The following EFCAB5 variants were observed in gnomAD, a reference collection of about 807,000 sequenced individuals.
EFCAB5 encodes EF-hand calcium-binding domain-containing protein 5.
Under a neutral mutation model 167.9 loss-of-function variants are expected in EFCAB5, and 131 were observed. The observed-to-expected ratio is 0.78, with a 90% CI of 0.68 to 0.90. The LOEUF is 0.90. Among genes scored for constraint, EFCAB5 ranks in the 40% least tolerant of loss-of-function variants. EFCAB5 has a pLI of 0.00. For missense variants in EFCAB5, 1,663 were observed against 1,745.2 expected, an observed-to-expected ratio of 0.95 and a Z score of 0.84; for synonymous variants, 574 against 602.8, an observed-to-expected ratio of 0.95 and a Z score of 0.70.
intron 7 of EFCAB5, 64 bp downstream of exon 7, chr17:30,000,040 G>A: frequency 8.3e-7 from 1 of 1,209,892 alleles, no homozygotes; most frequent in South Asian, 1.4e-5. Context: ...GTCTGTTGGT[G>A]GCTGTCACAC....
At position 29,993,253 on chromosome 17, in the gene EFCAB5, A is replaced by G. The variant is rs1255097475; in HGVS notation, c.856A>G (p.Lys286Glu). Reference sequence around the variant, plus strand: ...CATAGTCAAGGTGGCCAACACACGGAAACAGGCTCTGCAGGAGCAATTCGA... The same window carrying G: ...CATAGTCAAGGTGGCCAACACACGGGAACAGGCTCTGCAGGAGCAATTCGA... ...KIIVKVANTR[K>E]QALQEQFDEW... Residue 286 changes from lysine (K) to glutamate (E), a missense_variant, in exon 5 of 23, where the codon AAA becomes GAA. By Grantham distance (56) the Lys-to-Glu change is moderately conservative (BLOSUM62 1). Transcript: ENST00000394835. The G allele has an allele frequency of 6.2e-7, 1 of 1,613,966 alleles. No individual in the cohort carries two copies. The highest frequency in any genetic ancestry group is 8.5e-7 in the Non-Finnish European group (1 of 1,179,858).
chr17:30,101,600 G>A (rs2071383597), intron 22 of EFCAB5, among the ~76,000 whole-genome samples: 1 of 152,196 alleles, frequency 6.6e-6, no homozygotes, highest in Non-Finnish European at 1.5e-5. Flanking sequence ...GGTCTAAGCT[G>A]GAGATATAAA....
chr17:29,966,194 A>G (rs1032037506), intron 3 of EFCAB5, among the ~76,000 whole-genome samples: 3 of 152,194 alleles, frequency 2.0e-5, no homozygotes, highest in African/African-American at 7.2e-5. Flanking sequence ...TACAAATGGA[A>G]ACTCCATTTA....
intron 18 of EFCAB5, among the ~76,000 whole-genome samples, chr17:30,085,229 A>G (rs184091387): frequency 1.3e-4 from 20 of 152,290 alleles, no homozygotes; most frequent in Admixed American, 1.2e-3. Flanking sequence ...TAGAGGAAAA[A>G]AATTACTGCT....
chr17:29,969,284 C>T lies in EFCAB5; in HGVS notation c.684C>T (p.Asp228=), dbSNP rs372162405. 2.0e-5 allele frequency: 32 copies of T among 1,613,336 alleles called. 1 individual carries two copies. The South Asian group carries it at 3.0e-4, about 15-fold the overall frequency. The change falls in exon 4 of 23, where the codon GAC becomes GAT. Residue 228 remains aspartate, a synonymous_variant. Coordinates refer to ENST00000394835, the MANE Select transcript of EFCAB5 (RefSeq NM_198529.4). ...GAAACAATCCTAATTATATCAAAGA[C>T]CCAGGAATGTCTGGTTACCAGAGGT... The part of the protein sequence containing the change: ...LIRNNPNYIK[D]PGMSGYQRLM...
At chr17:29,936,931 C>T (rs1239626703), upstream of EFCAB5, among the ~76,000 whole-genome samples, 2 of 152,166 alleles carry the variant, frequency 1.3e-5, no homozygotes, top group Non-Finnish European at 2.9e-5. Context: ...CCAAGTAAAA[C>T]CAAACTGCTT....
intron 19 of EFCAB5, among the ~76,000 whole-genome samples, chr17:30,088,617 G>A (rs1195126617): frequency 6.6e-6 from 1 of 152,184 alleles, no homozygotes; most frequent in Non-Finnish European, 1.5e-5. Flanking sequence ...TACTTAGAAT[G>A]ACTCTCACTT....
intron 4 of EFCAB5, among the ~76,000 whole-genome samples, chr17:29,986,749 G>A (rs544515470): frequency 3.6e-5 from 5 of 137,594 alleles, no homozygotes; most frequent in South Asian, 4.9e-4. Flanking sequence ...TGGGGTTCAC[G>A]CCATTCTCCT....
chr17:30,107,875 A>G lies in EFCAB5; in HGVS notation c.4363A>G (p.Ile1455Val), dbSNP rs2071469899. ...TEVWKFGNVV[I>V]EHLYHWIHIC... is the part of the protein sequence containing the mutation. The stretch of plus-strand genomic sequence containing the variant: ...AGTATGGAAATTTGGTAATGTTGTC[A>G]TTGAACATCTATACCACTGGATACA... The change falls in exon 23 of 23, where the codon ATT (isoleucine) becomes GTT (valine). Residue 1455 changes from isoleucine to valine, a missense_variant. Physicochemically the swap from Ile to Val is conservative, Grantham distance 29. Coordinates refer to ENST00000394835, the MANE Select transcript of EFCAB5 (RefSeq NM_198529.4). 1 of 1,584,658 alleles carries G rather than the reference A, an allele frequency of 6.3e-7. No individual in the cohort carries two copies. The highest frequency in any genetic ancestry group is 8.5e-7 in the Non-Finnish European group (1 of 1,171,382).
intron 3 of EFCAB5, among the ~76,000 whole-genome samples, chr17:29,956,260 T>C (rs1436730423): frequency 2.0e-5 from 3 of 152,216 alleles, no homozygotes; most frequent in African/African-American, 7.2e-5. Context: ...AGAAAAGCTT[T>C]AGACAAATTG....
intron 4 of EFCAB5, 30 bp from the exon 5 acceptor site, chr17:29,993,135 C>G (rs1311182852): frequency 6.4e-7 from 1 of 1,563,530 alleles, no homozygotes; most frequent in Admixed American, 1.9e-5. Flanking sequence ...GGTATTAACT[C>G]AACATGTTTT....
At chr17:30,013,031 G>A (rs939939426) in intron 7 of EFCAB5, among the ~76,000 whole-genome samples, 5 of 152,082 alleles carry the variant, frequency 3.3e-5, no homozygotes, top group Non-Finnish European at 7.4e-5. Flanking sequence ...GAATTTTGTC[G>A]AAGGCCTTCT....
chr17:30,095,421 A>T (rs1284208734), intron 22 of EFCAB5, among the ~76,000 whole-genome samples: 1 of 152,180 alleles, frequency 6.6e-6, no homozygotes, highest in Non-Finnish European at 1.5e-5. Flanking sequence ...ATGATCCTCT[A>T]AGGGTGACAA....
chr17:29,967,706 T>C (rs1226959504), intron 3 of EFCAB5, among the ~76,000 whole-genome samples: 1 of 152,176 alleles, frequency 6.6e-6, no homozygotes, highest in Non-Finnish European at 1.5e-5. Context: ...CTGTCATTGC[T>C]AGAGATTTTG....
At chr17:30,062,173 G>A (rs1286073962) in intron 14 of EFCAB5, among the ~76,000 whole-genome samples, 1 of 152,116 alleles carries the variant, frequency 6.6e-6, no homozygotes, top group East Asian at 1.9e-4. Context: ...CCAACTAGAA[G>A]CTCTTAGGGC....
intron 4 of EFCAB5, among the ~76,000 whole-genome samples, chr17:29,992,329 A>G (rs139735636): frequency 1.4e-4 from 21 of 152,230 alleles, no homozygotes; most frequent in African/African-American, 5.1e-4. Flanking sequence ...TAAAGGCTGT[A>G]TAGTATTCCA....
chr17:29,987,909 T>G (rs1387865796), intron 4 of EFCAB5, among the ~76,000 whole-genome samples: 3 of 152,164 alleles, frequency 2.0e-5, no homozygotes, highest in Admixed American at 2.0e-4. Flanking sequence ...CACACATACA[T>G]GTACATAAGC....
chr17:30,006,614 A>T (rs1359087478), intron 7 of EFCAB5, among the ~76,000 whole-genome samples: 1 of 152,216 alleles, frequency 6.6e-6, no homozygotes, highest in African/African-American at 2.4e-5. Flanking sequence ...AATGGAAAAT[A>T]AAAGTAGAAC....
chr17:29,936,036 A>G (rs1358103624), intron 1 of EFCAB5, among the ~76,000 whole-genome samples: 1 of 152,240 alleles, frequency 6.6e-6, no homozygotes, highest in Non-Finnish European at 1.5e-5. Context: ...ATGAAGAAGC[A>G]TTACTAGGTG....
Sources: gnomAD v4.1 joint callset for allele counts (sites outside exome capture counted in the v4.1 genomes callset) on GRCh38, gnomAD v4.1.1 for gene constraint, MANE v1.5 for transcripts, NCBI Gene and HGNC (gene_info 2026-07-23, HGNC 2026-07-21) for gene names.